Variants in BTBD2 observed in about 807,000 individuals in gnomAD.
BTBD2 encodes the protein BTB domain containing 2, also known as BTB/POZ domain-containing protein 2.
Under a neutral mutation model 44.0 loss-of-function variants are expected in BTBD2, and 15 were observed. That is an observed-to-expected ratio of 0.34 (90% CI 0.23 to 0.53). The LOEUF is 0.53. BTBD2 is among the 20% of genes least tolerant of loss of function. The pLI is 0.95. For synonymous variants in BTBD2, 443 were observed against 335.9 expected, an observed-to-expected ratio of 1.32 and a Z score of -3.49; for missense variants, 657 against 746.4, an observed-to-expected ratio of 0.88 and a Z score of 1.39.
intron 1 of BTBD2, among the ~76,000 whole-genome samples, chr19:1,997,802 G>A (rs761475870): frequency 2.4e-4 from 37 of 152,332 alleles, no homozygotes; most frequent in Non-Finnish European, 4.6e-4. Context: ...TTATTCACAC[G>A]TGTTCATTCA....
At chr19:2,005,572 A>C (rs1424716665) in intron 1 of BTBD2, among the ~76,000 whole-genome samples, 7 of 152,084 alleles carry the variant, frequency 4.6e-5, no homozygotes, top group African/African-American at 1.4e-4. Flanking sequence ...ACCTGAGGTC[A>C]GGAGTTCGAG....
intron 2 of BTBD2, among the ~76,000 whole-genome samples, chr19:1,997,003 C>A (rs1451516166): frequency 1.3e-5 from 2 of 151,948 alleles, no homozygotes; most frequent in Non-Finnish European, 2.9e-5. Flanking sequence ...CACAGTGAAA[C>A]CCCATCTCTA....
chr19:2,005,651 C>T (rs1019068426), intron 1 of BTBD2, among the ~76,000 whole-genome samples: 35 of 151,590 alleles, frequency 2.3e-4, no homozygotes, highest in Non-Finnish European at 4.9e-4. Flanking sequence ...GTGCAGTGGC[C>T]GGAGCCTGTA....
At chr19:2,010,665 A>C (rs1209668671) in intron 1 of BTBD2, among the ~76,000 whole-genome samples, 4 of 144,382 alleles carry the variant, frequency 2.8e-5, no homozygotes, top group Non-Finnish European at 6.0e-5. Flanking sequence ...TTTGAGACGG[A>C]GTCTCGCCCT....
chr19:2,008,443 A>G (rs1224338726), intron 1 of BTBD2, among the ~76,000 whole-genome samples: 1 of 150,958 alleles, frequency 6.6e-6, no homozygotes, highest in Non-Finnish European at 1.5e-5. Context: ...GGTGCAAGCC[A>G]CCATGCCTGG....
intron 5 of BTBD2, among the ~76,000 whole-genome samples, chr19:1,989,146 C>G (rs1027648435): frequency 2.6e-5 from 4 of 152,204 alleles, no homozygotes; most frequent in Non-Finnish European, 5.9e-5. Context: ...ATAATCCCAG[C>G]ACTTTGTGAG....
intron 5 of BTBD2, among the ~76,000 whole-genome samples, chr19:1,989,066 C>T (rs2016135230): frequency 6.6e-6 from 1 of 152,208 alleles, no homozygotes; most frequent in Admixed American, 6.5e-5. Flanking sequence ...GCATGAGCCA[C>T]CACACCCAGC....
At chr19:1,989,883 TATATGCCAGGC>T in intron 5 of BTBD2, 110 bp downstream of exon 5, 1 of 1,153,402 alleles carries the variant, frequency 8.7e-7, no homozygotes, top group Non-Finnish European at 1.2e-6. Flanking sequence ...TTCCTATCTG[TATATGCCAGGC>T]ATCTGCCAGG....
chr19:2,015,232 G>A (rs1443710266), intron 1 of BTBD2, 65 bp downstream of exon 1: 33 of 1,473,684 alleles, frequency 2.2e-5, no homozygotes, highest in Admixed American at 4.4e-5. Flanking sequence ...CAGGGCCTCA[G>A]GTGCAGGGCC....
In BTBD2 at chr19:1,990,810, C is replaced by T. The variant is rs1355187915; in HGVS notation, c.697G>A (p.Asp233Asn). The T allele has an allele frequency of 6.4e-7, 1 of 1,571,672 alleles. No individual in the cohort carries two copies. Residue 233 changes from aspartate (D) to asparagine (N), a missense_variant, in exon 4 of 9, where the codon GAT (aspartate) becomes AAT (asparagine). Physicochemically the swap from Asp to Asn is conservative, Grantham distance 23. Around this residue, in one of 3 missense-constraint regions of BTBD2, gnomAD observed 449 missense variants for 510.9 expected, o/e 0.88. Coordinates refer to ENST00000255608, the MANE Select transcript of BTBD2 (RefSeq NM_017797.4). ...CACAGGCTGGCCAGCTGCGGTTCATCGAAGAGTCGCGCCTGGCAAGAGACA... is the reference window on the plus strand; with the variant it reads ...CACAGGCTGGCCAGCTGCGGTTCATTGAAGAGTCGCGCCTGGCAAGAGACA... The part of the protein sequence containing the change: ...FMLLTQARLF[D>N]EPQLASLCLE...
At position 2,015,337 on chromosome 19, in the gene BTBD2, C is replaced by A; in HGVS notation, c.367G>T (p.Val123Leu). The change falls in exon 1 of 9, where the codon GTG (valine) becomes TTG (leucine). Residue 123 changes from valine (V) to leucine (L), a missense_variant. Physicochemically the swap from Val to Leu is conservative, Grantham distance 32. Transcript: ENST00000255608. ...NEVLCDVHFL[V>L]GKGLSSQRIP... ...CGCTGCGAGCTGAGCCCCTTGCCCA[C>A]CAGGAAGTGCACGTCGCACAGCACC... 6.3e-7 allele frequency: 1 copy of A among 1,582,134 alleles called. No individual in the cohort carries two copies. Among genetic ancestry groups the A allele is most frequent in the Non-Finnish European group, 8.5e-7 (1 of 1,171,624 alleles).
intron 1 of BTBD2, among the ~76,000 whole-genome samples, chr19:1,999,799 T>C (rs2016303002): frequency 6.6e-6 from 1 of 150,580 alleles, no homozygotes; most frequent in Non-Finnish European, 1.5e-5. Context: ...CCGTCTCTAC[T>C]AAAAATACAA....
rs549919539 is a variant in BTBD2, at chr19:1,986,748, C to G, written c.1416+82G>C. 1.3e-5 allele frequency: 20 copies of G among 1,575,478 alleles called. No individual in the cohort carries two copies. The African/African-American group carries it at 2.4e-4, about 19-fold the overall frequency. On this transcript the variant is annotated intron_variant, in intron 8 of 8. Transcript: ENST00000255608. ...CCCGACTGGGCCAGGGTGGCTGCCT[C>G]TGGAGAGTGTGTGCTGTGCCCCGGT...
chr19:2,012,836 G>A (rs2016484152), intron 1 of BTBD2, among the ~76,000 whole-genome samples: 1 of 152,254 alleles, frequency 6.6e-6, no homozygotes, highest in African/African-American at 2.4e-5. Flanking sequence ...CATGTCCCAA[G>A]GTCAGCCGGT....
In BTBD2 at chr19:1,990,838, G is replaced by A. The variant is rs201748252; in HGVS notation, c.685-16C>T. On this transcript the variant is annotated splice_polypyrimidine_tract_variant and intron_variant, in intron 3 of 8. Transcript: ENST00000255608. ...AGAGTCGCGCCTGGCAAGAGACATC[G>A]ACGGGGGGCGCGGTGGGGACATCAG... 25 of 1,544,434 alleles carry A rather than the reference G, an allele frequency of 1.6e-5. No individual in the cohort carries two copies. The East Asian group carries it at 2.7e-4, about 17-fold the overall frequency.
intron 2 of BTBD2, among the ~76,000 whole-genome samples, chr19:1,995,279 C>CT (rs71174402): frequency 0.018 from 2,268 of 122,624 alleles, 46 homozygotes; most frequent in Non-Finnish European, 0.029. Flanking sequence ...ACTTTGGATT[C>CT]TTTTTTTTTT....
At chr19:2,000,964 TC>T (rs1441361668) in intron 1 of BTBD2, among the ~76,000 whole-genome samples, 7 of 152,114 alleles carry the variant, frequency 4.6e-5, no homozygotes, top group Admixed American at 3.3e-4. Flanking sequence ...TCCTAGGAGG[TC>T]CCCAGAGTCC....
At chr19:1,990,691 C>G (rs2016163368) in intron 4 of BTBD2, 26 bp downstream of exon 4, 2 of 1,569,154 alleles carry the variant, frequency 1.3e-6, no homozygotes, top group Admixed American at 3.7e-5. Context: ...GCTGGGATTC[C>G]CACACCTGGG....
At chr19:2,009,434 G>A (rs191228824) in intron 1 of BTBD2, among the ~76,000 whole-genome samples, 4 of 151,734 alleles carry the variant, frequency 2.6e-5, no homozygotes, top group African/African-American at 9.7e-5. Context: ...TCCTGACCTC[G>A]TGATCCGCCT....
Sources: gnomAD v4.1 joint callset for allele counts (sites outside exome capture counted in the v4.1 genomes callset) on GRCh38, gnomAD v4.1.1 for gene constraint, gnomAD v4.1.1 regional missense constraint, MANE v1.5 for transcripts, NCBI Gene and HGNC (gene_info 2026-07-23, HGNC 2026-07-21) for gene names.